Variants in ONECUT1 observed in about 807,000 individuals in gnomAD.
ONECUT1 encodes one cut homeobox 1, also known as hepatocyte nuclear factor 6.
In ONECUT1, 12 loss-of-function variants were observed where a neutral mutation model predicts 25.6. That is an observed-to-expected ratio of 0.47 (90% CI 0.30 to 0.76). ONECUT1 has a LOEUF of 0.76. Ranked by LOEUF, ONECUT1 falls within the 30% of genes least tolerant of loss-of-function variation. The probability of loss-of-function intolerance (pLI) is 0.07; values close to 1 mark genes in which losing one functional copy is unlikely to be tolerated. For synonymous variants in ONECUT1, 285 were observed against 270.2 expected (o/e 1.05, Z -0.54); for missense variants, 620 against 651.2 (o/e 0.95, Z 0.52).
intron 1 of ONECUT1, among the ~76,000 whole-genome samples, chr15:52,762,437 G>A (rs866395630): frequency 1.3e-5 from 2 of 152,152 alleles, no homozygotes; most frequent in East Asian, 3.8e-4. Flanking sequence ...ACCCTTTTTG[G>A]TGGAGACTGT....
At chr15:52,767,329 A>T (rs1427907251) in intron 1 of ONECUT1, among the ~76,000 whole-genome samples, 1 of 152,036 alleles carries the variant, frequency 6.6e-6, no homozygotes, top group African/African-American at 2.4e-5. Flanking sequence ...AGACTATCTC[A>T]GTTCTTCTCT....
Position 52,789,741 on chromosome 15 carries a change from C to A in ONECUT1, c.144G>T (p.Ala48=). ...ACGCCATGCCCATGGAGCGCGGGTG[C>A]GCGGGGGGCAGGTGGCTGCCGCGGT... The part of the protein sequence containing the change: ...VAHRGSHLPP[A]HPRSMGMASL... Residue 48 remains alanine (A), a synonymous_variant, in exon 1 of 2, where the codon GCG becomes GCT. Transcript: ENST00000305901. This position sits in a 1 kb window ranked among gnomAD's most constrained non-coding sequence, Gnocchi z 4.1. 7.8e-6 allele frequency: 11 copies of A among 1,409,584 alleles called. No homozygotes were observed. Among genetic ancestry groups the A allele is most frequent in the Non-Finnish European group, 9.2e-6 (10 of 1,091,500 alleles). The allele number at this position is 1,409,584 out of a possible 1,614,324, so 87.3% of individuals were successfully genotyped here.
intron 1 of ONECUT1, among the ~76,000 whole-genome samples, chr15:52,776,814 AC>A (rs2083804160): frequency 1.3e-5 from 2 of 152,162 alleles, no homozygotes; most frequent in South Asian, 4.1e-4. Context: ...CATAGGAGGC[AC>A]CCGATCAGTG....
intron 1 of ONECUT1, among the ~76,000 whole-genome samples, chr15:52,782,351 C>G (rs545549500): frequency 1.3e-5 from 2 of 152,300 alleles, no homozygotes; most frequent in South Asian, 2.1e-4. Flanking sequence ...CTAGCCCAAT[C>G]TTATTATCTC....
chr15:52,767,969 C>T (rs534412591), intron 1 of ONECUT1, among the ~76,000 whole-genome samples: 12 of 152,160 alleles, frequency 7.9e-5, no homozygotes, highest in Admixed American at 3.3e-4. Context: ...TTCTCACTCA[C>T]GCGTAGGATC....
At chr15:52,774,343 C>T (rs1358865191) in intron 1 of ONECUT1, among the ~76,000 whole-genome samples, 1 of 148,352 alleles carries the variant, frequency 6.7e-6, no homozygotes, top group East Asian at 2.0e-4. Context: ...TCTTGTTGCC[C>T]AAGCTGGAGT....
At position 52,789,375 on chromosome 15, in the gene ONECUT1, C is replaced by G; in HGVS notation, c.510G>C (p.Lys170Asn). 2 of 1,611,016 alleles carry G rather than the reference C, an allele frequency of 1.2e-6. No homozygotes were observed. Among genetic ancestry groups the G allele is most frequent in the Non-Finnish European group, 1.7e-6 (2 of 1,178,106 alleles). Residue 170 changes from lysine (K) to asparagine (N), a missense_variant, in exon 1 of 2, where the codon AAG becomes AAC. By Grantham distance (94) the Lys-to-Asn change is moderately conservative (BLOSUM62 0). Transcript: ENST00000305901. The surrounding 1 kb of genome is among the most constrained non-coding windows in gnomAD (Gnocchi z 4.1). ...GGCTCTGGCCCATGCCGGCCACGTCCTTGTGGTAGGGGGTATAGAGGTTAT... is the reference window on the plus strand; with the variant it reads ...GGCTCTGGCCCATGCCGGCCACGTCGTTGTGGTAGGGGGTATAGAGGTTAT... ...SMNNLYTPYHKDVAGMGQSLS... is the reference protein window; with the variant it reads ...SMNNLYTPYHNDVAGMGQSLS...
rs754568573 is a variant in ONECUT1, at chr15:52,789,171, C to G, written c.714G>C (p.Ser238=). The G allele has an allele frequency of 1.9e-6, 3 of 1,586,974 alleles. No individual in the cohort carries two copies. Among genetic ancestry groups the G allele is most frequent in the South Asian group, 1.1e-5 (1 of 89,256 alleles). ...RHGEQHLTPT[S]AGMVPINGLP... ...GGCCGTTGATGGGCACCATGCCGGC[C>G]GAGGTGGGCGTGAGGTGCTGCTCCC... The change falls in exon 1 of 2, where the codon TCG becomes TCC. Residue 238 remains serine (S), a synonymous_variant. Transcript: ENST00000305901. This position sits in a 1 kb window ranked among gnomAD's most constrained non-coding sequence, Gnocchi z 4.1.
At chr15:52,764,509 C>T (rs2083723123) in intron 1 of ONECUT1, among the ~76,000 whole-genome samples, 1 of 152,230 alleles carries the variant, frequency 6.6e-6, no homozygotes, top group Admixed American at 6.5e-5. Context: ...TCAGTGGCCA[C>T]AGAGCTGGGC....
intron 1 of ONECUT1, among the ~76,000 whole-genome samples, chr15:52,758,541 G>A (rs1045539196): frequency 1.3e-5 from 2 of 151,960 alleles, no homozygotes; most frequent in African/African-American, 2.4e-5. Context: ...GCTCTTCTTC[G>A]ACATTGAGAC....
Position 52,784,120 on chromosome 15 carries a change from G to T in ONECUT1, c.1105+4660C>A, listed in dbSNP as rs537563227. Among the ~76,000 whole-genome samples, 1 of 152,152 alleles carries T rather than the reference G, an allele frequency of 6.6e-6. No individual in the cohort carries two copies. Among genetic ancestry groups the T allele is most frequent in the Non-Finnish European group, 1.5e-5 (1 of 68,032 alleles). On this transcript the variant is annotated intron_variant, in intron 1 of 1. Transcript: ENST00000305901. The surrounding 1 kb of genome is among the most constrained non-coding windows in gnomAD (Gnocchi z 5.0). The stretch of plus-strand genomic sequence containing the variant: ...GCGCGCCGCAGCCGCAGCACAGCCC[G>T]GCTACCCCCAGAAAGGGAGCCGAAT...
chr15:52,759,888 GC>G (rs1401924321), intron 1 of ONECUT1, among the ~76,000 whole-genome samples: 1 of 151,870 alleles, frequency 6.6e-6, no homozygotes, highest in African/African-American at 2.4e-5. Context: ...GTGAGCCACT[GC>G]CCCCAGCCCA....
At position 52,789,907 on chromosome 15, in the gene ONECUT1, C is replaced by A. The variant is rs375501734; in HGVS notation, c.-23G>T. The A allele has an allele frequency of 1.0e-4, 155 of 1,508,620 alleles. No homozygotes were observed. In the Admixed American group the frequency reaches 1.6e-3, roughly 15 times the overall value. The allele number at this position is 1,508,620 out of a possible 1,614,324, so 93.5% of individuals were successfully genotyped here. On this transcript the variant is annotated 5_prime_UTR_variant, in exon 1 of 2. Transcript: ENST00000305901. This position sits in a 1 kb window ranked among gnomAD's most constrained non-coding sequence, Gnocchi z 4.1. ...CATCGTGATCCGGGCGAGCAGGCGG[C>A]GGACACAACATCGATGTGGCCAGGC... is the stretch of plus-strand genomic sequence containing the variant.
At chr15:52,782,815 T>C (rs547085151) in intron 1 of ONECUT1, among the ~76,000 whole-genome samples, 1 of 152,302 alleles carries the variant, frequency 6.6e-6, no homozygotes, top group Non-Finnish European at 1.5e-5. Flanking sequence ...TTTAAAATAT[T>C]AAGTCGGTGT....
chr15:52,789,202 C>G lies in ONECUT1; in HGVS notation c.683G>C (p.Arg228Pro), dbSNP rs1270446054. ...FEAHHPAMLG[R>P]HGEQHLTPTS... ...GGGCGTGAGGTGCTGCTCCCCGTGG[C>G]GGCCGAGCATGGCCGGGTGGTGGGC... The change falls in exon 1 of 2, where the codon CGC (arginine) becomes CCC (proline). Residue 228 changes from arginine to proline, a missense_variant. Arg to Pro is a moderately radical substitution (Grantham distance 103). Around this residue, in one of 4 missense-constraint regions of ONECUT1, gnomAD observed 440 missense variants for 404.9 expected, o/e 1.09. Coordinates refer to ENST00000305901, the MANE Select transcript of ONECUT1 (RefSeq NM_004498.4). This position sits in a 1 kb window ranked among gnomAD's most constrained non-coding sequence, Gnocchi z 4.1. 2 of 1,568,260 alleles carry G rather than the reference C, an allele frequency of 1.3e-6. No individual in the cohort carries two copies. The highest frequency in any genetic ancestry group is 1.7e-6 in the Non-Finnish European group (2 of 1,159,936).
intron 1 of ONECUT1, among the ~76,000 whole-genome samples, chr15:52,777,738 A>ACACACACAT (rs1555416123): frequency 1.0e-5 from 1 of 96,996 alleles, no homozygotes; most frequent in African/African-American, 7.5e-5. Flanking sequence ...ACACACACAC[A>ACACACACAT]AAAAAACATG....
intron 1 of ONECUT1, among the ~76,000 whole-genome samples, chr15:52,769,113 C>T (rs1377578472): frequency 6.6e-6 from 1 of 152,172 alleles, no homozygotes; most frequent in South Asian, 2.1e-4. Flanking sequence ...CAAAAAGATC[C>T]CTGTGCAATG....
rs901548643 is a variant in ONECUT1, at chr15:52,788,147, A to G, written c.1105+633T>C. On this transcript the variant is annotated intron_variant, in intron 1 of 1. Coordinates refer to ENST00000305901, the MANE Select transcript of ONECUT1 (RefSeq NM_004498.4). This position sits in a 1 kb window ranked among gnomAD's most constrained non-coding sequence, Gnocchi z 4.3. ...CAGCCTCCCTCTCCTTTCCACAGCC[A>G]ATTCCATGCGCAGAGAGCGTCCTAA... is the stretch of plus-strand genomic sequence containing the variant. 6.6e-6 allele frequency: 1 copy of G among 152,568 alleles called. No individual in the cohort carries two copies. The highest frequency in any genetic ancestry group is 2.4e-5 in the African/African-American group (1 of 41,410). The allele number at this position is 152,568 out of a possible 1,614,324, so 9.5% of individuals were successfully genotyped here. A position where few individuals can be genotyped will look rare whatever the true frequency, so the allele number is the denominator to read the frequency against.
Position 52,784,024 on chromosome 15 carries a change from C to A in ONECUT1, c.1105+4756G>T, listed in dbSNP as rs192634380. ...TAAAAACAAAGGCGCAGCAAGCATCCCTTTCTTCGCTGCCGCGGGCTGAAC... is the reference window on the plus strand; with the variant it reads ...TAAAAACAAAGGCGCAGCAAGCATCACTTTCTTCGCTGCCGCGGGCTGAAC... On this transcript the variant is annotated intron_variant, in intron 1 of 1. Transcript: ENST00000305901. This position sits in a 1 kb window ranked among gnomAD's most constrained non-coding sequence, Gnocchi z 5.0. Among the ~76,000 whole-genome samples the A allele has an allele frequency of 1.9e-3, 290 of 152,320 alleles. No individual in the cohort carries two copies. Among genetic ancestry groups the A allele is most frequent in the Non-Finnish European group, 3.5e-3 (238 of 68,028 alleles).
Sources: gnomAD v4.1 joint callset for allele counts (sites outside exome capture counted in the v4.1 genomes callset) on GRCh38, gnomAD v4.1.1 for gene constraint, gnomAD v4.1.1 regional missense constraint, Gnocchi (gnomAD v3.1) non-coding constraint, MANE v1.5 for transcripts, NCBI Gene and HGNC (gene_info 2026-07-23, HGNC 2026-07-21) for gene names.